PPM1B: variants seen among roughly 807,000 people sequenced by gnomAD.
PPM1B encodes the protein protein phosphatase 1B.
PPM1B carries 22 observed loss-of-function variants against 43.0 expected under a neutral mutation model. The observed-to-expected ratio is 0.51, with a 90% CI of 0.37 to 0.73. The LOEUF is 0.73. PPM1B is among the 30% of genes least tolerant of loss of function. The pLI is 0.00. For synonymous variants in PPM1B, 217 were observed against 197.9 expected, an observed-to-expected ratio of 1.10 and a Z score of -0.81; for missense variants, 632 against 584.2, an observed-to-expected ratio of 1.08 and a Z score of -0.84.
At chr2:44,233,253 TGAA>T (rs1201891198), downstream of PPM1B, 106 of 893,012 alleles carry the variant, frequency 1.2e-4, 1 homozygote, top group Admixed American at 6.5e-3. Flanking sequence ...AATATCACAT[TGAA>T]ATTACTATAA....
At chr2:44,238,289 A>G (rs182549579), downstream of PPM1B, among the ~76,000 whole-genome samples, 30 of 152,344 alleles carry the variant, frequency 2.0e-4, no homozygotes, top group African/African-American at 7.0e-4. Flanking sequence ...TTTGCCTATG[A>G]ATAATAATTA....
intron 4 of PPM1B, 31 bp downstream of exon 4, chr2:44,218,109 C>T (rs763306899): frequency 1.2e-5 from 18 of 1,450,592 alleles, no homozygotes; most frequent in Non-Finnish European, 1.4e-5. Context: ...ATTTTGAGTT[C>T]GTTCATAATT....
chr2:44,190,736 C>T (rs2104070294), intron 1 of PPM1B, among the ~76,000 whole-genome samples: 1 of 152,236 alleles, frequency 6.6e-6, no homozygotes, highest in Non-Finnish European at 1.5e-5. Flanking sequence ...TATGTGTTTA[C>T]ATTGCATTTT....
chr2:44,191,318 A>G (rs149210405), intron 1 of PPM1B, among the ~76,000 whole-genome samples: 1,927 of 151,968 alleles, frequency 0.013, 95 homozygotes, highest in Admixed American at 0.11. Flanking sequence ...GGTTCAAGCT[A>G]TTCTCCTGCC....
intron 1 of PPM1B, among the ~76,000 whole-genome samples, chr2:44,196,564 C>T (rs1668673690): frequency 6.6e-6 from 1 of 152,178 alleles, no homozygotes; most frequent in Non-Finnish European, 1.5e-5. Flanking sequence ...CTGCCCAATC[C>T]ACCCTTATGG....
At chr2:44,205,374 T>TGTGTGTGTGTGTGTGTGTGTGGGTGTGG (rs1553333054) in intron 2 of PPM1B, among the ~76,000 whole-genome samples, 1 of 151,358 alleles carries the variant, frequency 6.6e-6, no homozygotes, top group African/African-American at 2.4e-5. Flanking sequence ...TGTGTGTGTG[T>TGTGTGTGTGTGTGTGTGTGTGGGTGTGG]GTGTGTAAGT....
At position 44,217,987 on chromosome 2, in the gene PPM1B, G is replaced by A. The variant is rs138843044; in HGVS notation, c.985G>A (p.Glu329Lys). Residue 329 changes from glutamate (E) to lysine (K), a missense_variant, in exon 4 of 6, where the codon GAG (glutamate) becomes AAG (lysine). Glu to Lys is a moderately conservative substitution (Grantham distance 56, BLOSUM62 1). Around this residue, in one of 3 missense-constraint regions of PPM1B, gnomAD observed 392 missense variants for 302.7 expected, o/e 1.29. Coordinates refer to ENST00000282412, the MANE Select transcript of PPM1B (RefSeq NM_002706.6). ...TACAGAGATTATGGAGAAGTCTGGC[G>A]AGGAAGGAATGCCTGATCTTGCCCA... ...RVEEIMEKSG[E>K]EGMPDLAHVM... The A allele has an allele frequency of 1.2e-5, 19 of 1,604,266 alleles. No homozygotes were observed. Among genetic ancestry groups the A allele is most frequent in the Non-Finnish European group, 1.4e-5 (17 of 1,176,876 alleles).
chr2:44,220,261 T>TAC (rs1424299846), intron 5 of PPM1B, among the ~76,000 whole-genome samples: 2 of 140,022 alleles, frequency 1.4e-5, no homozygotes, highest in African/African-American at 5.5e-5. Context: ...TCTTTAAAAA[T>TAC]ACATATATAT....
chr2:44,181,658 G>GC (rs1449421402), intron 1 of PPM1B, among the ~76,000 whole-genome samples: 1 of 152,240 alleles, frequency 6.6e-6, no homozygotes, highest in African/African-American at 2.4e-5. Flanking sequence ...TTCTGTCCTG[G>GC]ATTAATACTA....
At chr2:44,182,368 T>G (rs1667915728) in intron 1 of PPM1B, among the ~76,000 whole-genome samples, 1 of 152,180 alleles carries the variant, frequency 6.6e-6, no homozygotes, top group African/African-American at 2.4e-5. Flanking sequence ...CAAGTGATTC[T>G]CCTGCCTCAG....
chr2:44,235,603 C>CAAAAAAAA (rs60734033), downstream of PPM1B, among the ~76,000 whole-genome samples: 2 of 73,502 alleles, frequency 2.7e-5, no homozygotes, highest in Admixed American at 1.7e-4. Flanking sequence ...AATTCCATCT[C>CAAAAAAAA]AAAAAAAAAA....
In PPM1B at chr2:44,230,927, A is replaced by G; in HGVS notation, c.*209A>G. 1 of 1,175,490 alleles carries G rather than the reference A, an allele frequency of 8.5e-7. No individual in the cohort carries two copies. Among genetic ancestry groups the G allele is most frequent in the African/African-American group, 1.6e-5 (1 of 62,960 alleles). 72.8% of individuals were successfully genotyped at this position (1,175,490 alleles called of 1,614,324 possible). A position where few individuals can be genotyped will look rare whatever the true frequency, so the allele number is the denominator to read the frequency against. ...TTTATAGTACTATGGATTTAATGAA[A>G]TTATATGTCATTTCACATTGTATGC... On this transcript the variant is annotated 3_prime_UTR_variant, in exon 6 of 6. Coordinates refer to ENST00000282412, the MANE Select transcript of PPM1B (RefSeq NM_002706.6).
At chr2:44,189,022 A>G (rs1290180436) in intron 1 of PPM1B, among the ~76,000 whole-genome samples, 2 of 151,822 alleles carry the variant, frequency 1.3e-5, no homozygotes, top group South Asian at 2.1e-4. Flanking sequence ...GCATGCCGCC[A>G]CCACACCTGG....
chr2:44,183,633 C>T (rs1317513236), intron 1 of PPM1B, among the ~76,000 whole-genome samples: 1 of 152,136 alleles, frequency 6.6e-6, no homozygotes, highest in East Asian at 1.9e-4. Flanking sequence ...CCAGTGAGCC[C>T]CAGGAGGAAG....
intron 1 of PPM1B, among the ~76,000 whole-genome samples, chr2:44,188,169 G>A (rs531620715): frequency 1.8e-4 from 27 of 152,174 alleles, no homozygotes; most frequent in Admixed American, 1.8e-3. Context: ...TAAGAAGGGG[G>A]ATGGATTGAG....
Position 44,220,101 on chromosome 2 carries a change from T to C in PPM1B, c.1134+1564T>C, listed in dbSNP as rs149040706. On this transcript the variant is annotated intron_variant, in intron 5 of 5. Coordinates refer to ENST00000282412, the MANE Select transcript of PPM1B (RefSeq NM_002706.6). ...TTGGAAGGTTGAGAGAAGAGAATCTTAACTCTTCAGCTAGATTATAGATTC... is the reference window on the plus strand; with the variant it reads ...TTGGAAGGTTGAGAGAAGAGAATCTCAACTCTTCAGCTAGATTATAGATTC... 2.3e-3 allele frequency among the ~76,000 whole-genome samples: 356 copies of C among 152,228 alleles called. 3 individuals are homozygous for C. The highest frequency in any genetic ancestry group is 8.2e-3 in the African/African-American group (341 of 41,536).
intron 1 of PPM1B, among the ~76,000 whole-genome samples, chr2:44,200,321 C>CT (rs1274314135): frequency 1.3e-5 from 2 of 152,120 alleles, no homozygotes; most frequent in African/African-American, 4.8e-5. Context: ...AACCATTACT[C>CT]TAAGTCTAAT....
At chr2:44,172,696 G>C (rs1008391411) in intron 1 of PPM1B, among the ~76,000 whole-genome samples, 3 of 152,184 alleles carry the variant, frequency 2.0e-5, no homozygotes, top group Non-Finnish European at 4.4e-5. Flanking sequence ...GGCTGAGGCA[G>C]ATGGATTGTT....
chr2:44,234,203 G>GA (rs1223992490), downstream of PPM1B: 3 of 983,294 alleles, frequency 3.1e-6, no homozygotes, highest in Non-Finnish European at 2.4e-6. Flanking sequence ...CTGTACTCTA[G>GA]AAATATTTAT....
Sources: gnomAD v4.1 joint callset for allele counts (sites outside exome capture counted in the v4.1 genomes callset) on GRCh38, gnomAD v4.1.1 for gene constraint, gnomAD v4.1.1 regional missense constraint, MANE v1.5 for transcripts, NCBI Gene and HGNC (gene_info 2026-07-23, HGNC 2026-07-21) for gene names.